The following LRRC3B variants were observed in gnomAD, a reference collection of about 807,000 sequenced individuals.
The protein encoded by LRRC3B is leucine-rich repeat-containing protein 3B.
Under a neutral mutation model 12.8 loss-of-function variants are expected in LRRC3B, and 2 were observed. The ratio of observed to expected loss-of-function variants is 0.16; its 90% CI spans 0.06 to 0.49. The LOEUF (loss-of-function observed/expected upper bound fraction) is 0.49. Ranked by LOEUF, LRRC3B falls within the 20% of genes least tolerant of loss-of-function variation. LRRC3B has a pLI of 0.96. For missense variants in LRRC3B, 189 were observed against 319.4 expected (o/e 0.59, Z 3.11); for synonymous variants, 132 against 122.0 (o/e 1.08, Z -0.54).
intron 1 of LRRC3B, among the ~76,000 whole-genome samples, chr3:26,684,387 G>T (rs1042502192): frequency 1.3e-5 from 2 of 152,176 alleles, no homozygotes; most frequent in Admixed American, 6.5e-5. Flanking sequence ...GATATGTGCT[G>T]CATCTGTGCT....
At chr3:26,710,479 G>GA in exon 2 of LRRC3B, 1 of 1,527,200 alleles carries the variant, frequency 6.5e-7, no homozygotes, top group Non-Finnish European at 8.8e-7. Context: ...CATTGAGAAA[G>GA]AAAGAAAGTA....
chr3:26,637,824 A>G (rs557455100), intron 1 of LRRC3B, among the ~76,000 whole-genome samples: 3 of 152,360 alleles, frequency 2.0e-5, no homozygotes, highest in African/African-American at 7.2e-5. Context: ...TGGATGACTA[A>G]TATCATCACC....
exon 1 of LRRC3B, chr3:26,623,022 C>G (rs1187347599): frequency 6.6e-6 from 1 of 151,468 alleles, no homozygotes; most frequent in African/African-American, 2.4e-5. Flanking sequence ...GCCTGCGTCC[C>G]GCGCCCCAGC....
rs79311365 is a variant in LRRC3B at position 26,657,376 on chromosome 3, T to A, written c.-161+34139T>A. ...TACCTGATTGATTGAATTATACTTA[T>A]TGAATTATATTCAATTTCAAAATTT... On this transcript the variant is annotated intron_variant, in intron 1 of 1. Coordinates refer to ENST00000396641, the Ensembl canonical transcript of LRRC3B. Among the ~76,000 whole-genome samples the A allele has an allele frequency of 3.9e-5, 6 of 152,348 alleles. No individual in the cohort carries two copies. The East Asian group carries it at 9.6e-4, about 24-fold the overall frequency.
intron 1 of LRRC3B, among the ~76,000 whole-genome samples, chr3:26,643,243 CACAT>C (rs1376997903): frequency 7.3e-6 from 1 of 137,354 alleles, no homozygotes; most frequent in Non-Finnish European, 1.6e-5. Context: ...TTTGTATACA[CACAT>C]ATGTGTGAGT....
intron 1 of LRRC3B, among the ~76,000 whole-genome samples, chr3:26,671,373 T>TATAG (rs1261897533): frequency 5.4e-3 from 152 of 28,256 alleles, no homozygotes; most frequent in Non-Finnish European, 5.6e-3. Context: ...TATATATATA[T>TATAG]AGAGAGAGAG....
chr3:26,693,857 A>G (rs1700245835), intron 1 of LRRC3B, among the ~76,000 whole-genome samples: 1 of 152,210 alleles, frequency 6.6e-6, no homozygotes, highest in Non-Finnish European at 1.5e-5. Flanking sequence ...GTATCTGAAG[A>G]TGAGGAAATA....
intron 1 of LRRC3B, among the ~76,000 whole-genome samples, chr3:26,639,923 C>T (rs1251038374): frequency 6.6e-6 from 1 of 152,120 alleles, no homozygotes; most frequent in Admixed American, 6.5e-5. Flanking sequence ...GTCTCTGCTT[C>T]ATAGACAGAA....
At chr3:26,633,687 C>A (rs956173765) in intron 1 of LRRC3B, among the ~76,000 whole-genome samples, 2 of 152,014 alleles carry the variant, frequency 1.3e-5, no homozygotes, top group Admixed American at 6.6e-5. Context: ...AGGAATATCC[C>A]AGGAGGAGGG....
chr3:26,625,450 A>G (rs1164314677), intron 1 of LRRC3B: 4 of 152,194 alleles, frequency 2.6e-5, no homozygotes, highest in Admixed American at 2.6e-4. Flanking sequence ...CAAAGGCCAC[A>G]CCCTCACAGA....
chr3:26,660,755 T>C (rs1699475670), intron 1 of LRRC3B, among the ~76,000 whole-genome samples: 11 of 152,192 alleles, frequency 7.2e-5, no homozygotes. Flanking sequence ...TGGTCAAAGA[T>C]GTAGACCTTG....
At chr3:26,633,141 G>A (rs1421891089) in intron 1 of LRRC3B, among the ~76,000 whole-genome samples, 1 of 151,994 alleles carries the variant, frequency 6.6e-6, no homozygotes, top group East Asian at 1.9e-4. Flanking sequence ...CAGTTTATCT[G>A]TCCTCCCCTC....
At chr3:26,655,522 G>T (rs190627523) in intron 1 of LRRC3B, among the ~76,000 whole-genome samples, 4 of 152,308 alleles carry the variant, frequency 2.6e-5, no homozygotes, top group Non-Finnish European at 4.4e-5. Context: ...GTTGGCCTAG[G>T]ATTATTAGTA....
At chr3:26,665,020 G>T (rs527236494) in intron 1 of LRRC3B, among the ~76,000 whole-genome samples, 5 of 151,922 alleles carry the variant, frequency 3.3e-5, no homozygotes, top group African/African-American at 1.2e-4. Context: ...GTCTGTACCA[G>T]TTTAAGCAAA....
chr3:26,659,625 A>G (rs557369519), intron 1 of LRRC3B, among the ~76,000 whole-genome samples: 1 of 152,202 alleles, frequency 6.6e-6, no homozygotes, highest in South Asian at 2.1e-4. Context: ...CTATTTCTAT[A>G]TTTTTCCTAC....
intron 1 of LRRC3B, among the ~76,000 whole-genome samples, chr3:26,666,039 A>C (rs1159227298): frequency 1.3e-5 from 2 of 152,220 alleles, no homozygotes; most frequent in African/African-American, 4.8e-5. Context: ...TAACAGAAAC[A>C]TTGAGAATGT....
chr3:26,670,740 C>T (rs1173973197), intron 1 of LRRC3B, among the ~76,000 whole-genome samples: 1 of 152,012 alleles, frequency 6.6e-6, no homozygotes, highest in Non-Finnish European at 1.5e-5. Context: ...TCAATTTCCC[C>T]AAGTATAATA....
chr3:26,645,035 C>T (rs1175381605), intron 1 of LRRC3B, among the ~76,000 whole-genome samples: 1 of 152,098 alleles, frequency 6.6e-6, no homozygotes, highest in East Asian at 1.9e-4. Context: ...CACAGACATA[C>T]ATCCATACAT....
intron 1 of LRRC3B, among the ~76,000 whole-genome samples, chr3:26,640,007 A>G (rs888729379): frequency 6.6e-6 from 1 of 152,154 alleles, no homozygotes; most frequent in African/African-American, 2.4e-5. Context: ...GGATGGATAA[A>G]CAGCTAAAGC....
Sources: gnomAD v4.1 joint callset for allele counts (sites outside exome capture counted in the v4.1 genomes callset) on GRCh38, gnomAD v4.1.1 for gene constraint, MANE v1.5 for transcripts, NCBI Gene and HGNC (gene_info 2026-07-23, HGNC 2026-07-21) for gene names.